Variants in EDEM1 observed in about 807,000 individuals in gnomAD.
EDEM1 encodes ER degradation-enhancing alpha-mannosidase-like protein 1.
EDEM1 carries 67 observed loss-of-function variants against 74.4 expected under a neutral mutation model. The ratio of observed to expected loss-of-function variants is 0.90; its 90% confidence interval spans 0.74 to 1.10. The LOEUF (loss-of-function observed/expected upper bound fraction) is 1.10, where lower values mean the gene tolerates loss of function less well. Among genes scored for constraint, EDEM1 ranks in the 50% least tolerant of loss-of-function variants. The pLI is 0.00. For synonymous variants in EDEM1, 382 were observed against 335.9 expected, an observed-to-expected ratio of 1.14 and a Z score of -1.50; for missense variants, 926 against 851.6, an observed-to-expected ratio of 1.09 and a Z score of -1.09.
chr3:5,215,393 G>A (rs55901544), intron 11 of EDEM1, among the ~76,000 whole-genome samples: 40,180 of 152,060 alleles, frequency 0.26, 5,452 homozygotes, highest in African/African-American at 0.3. Context: ...GTATTTTCAA[G>A]TAGCAGAAAT....
intron 5 of EDEM1, among the ~76,000 whole-genome samples, chr3:5,204,050 A>G (rs1378778459): frequency 6.6e-6 from 1 of 152,198 alleles, no homozygotes; most frequent in East Asian, 1.9e-4. Flanking sequence ...ATTTTAACTC[A>G]TGTAACTGTC....
At position 5,188,251 on chromosome 3, in the gene EDEM1, C is replaced by T; in HGVS notation, c.446C>T (p.Ala149Val). 6.3e-7 allele frequency: 1 copy of T among 1,579,684 alleles called. No homozygotes were observed. The highest frequency in any genetic ancestry group is 1.7e-4 in the Middle Eastern group (1 of 5,960). ...GGCTACGACAACTACATGGCTCACG[C>T]CTTCCCCCAGGACGAGCTCAACCCC... ...VFGYDNYMAH[A>V]FPQDELNPIH... is the part of the protein sequence containing the mutation. The change falls in exon 1 of 12, where the codon GCC becomes GTC. Residue 149 changes from alanine (A) to valine (V), a missense_variant. Ala to Val is a moderately conservative substitution (Grantham distance 64). Coordinates refer to ENST00000256497, the MANE Select transcript of EDEM1 (RefSeq NM_014674.3).
intron 1 of EDEM1, among the ~76,000 whole-genome samples, chr3:5,190,975 T>A (rs1039266632): frequency 1.3e-5 from 2 of 152,172 alleles, no homozygotes; most frequent in East Asian, 1.9e-4. Flanking sequence ...TTTGTAATAA[T>A]CACATCATGG....
intron 3 of EDEM1, 27 bp downstream of exon 3, chr3:5,199,722 A>C: frequency 1.3e-6 from 2 of 1,572,246 alleles, no homozygotes; most frequent in Non-Finnish European, 1.7e-6. Context: ...TCATAAAATG[A>C]ATTGGAGACT....
At chr3:5,192,380 A>C (rs1227076707) in intron 1 of EDEM1, among the ~76,000 whole-genome samples, 1 of 152,214 alleles carries the variant, frequency 6.6e-6, no homozygotes, top group African/African-American at 2.4e-5. Context: ...TGGGAATTTA[A>C]ATTTAAAAAC....
intron 11 of EDEM1, among the ~76,000 whole-genome samples, chr3:5,215,291 T>TGG (rs1423561570): frequency 1.1e-5 from 1 of 88,756 alleles, no homozygotes; most frequent in African/African-American, 4.6e-5. Flanking sequence ...AAAAAAGTGG[T>TGG]GGGGGTGGGG....
chr3:5,205,023 C>G (rs915814503), intron 5 of EDEM1, 44 bp from the exon 6 acceptor site: 9 of 1,600,810 alleles, frequency 5.6e-6, no homozygotes, highest in Middle Eastern at 3.5e-4. Context: ...ATGTCCTCCC[C>G]GATGAGACAG....
At chr3:5,207,379 T>A (rs1231422939) in intron 7 of EDEM1, 106 bp downstream of exon 7, 1 of 1,500,156 alleles carries the variant, frequency 6.7e-7, no homozygotes, top group Non-Finnish European at 8.9e-7. Flanking sequence ...TCCTTTGGAT[T>A]TGGGAGGTCA....
At chr3:5,206,801 C>A (rs192402815) in intron 6 of EDEM1, among the ~76,000 whole-genome samples, 2 of 152,312 alleles carry the variant, frequency 1.3e-5, no homozygotes, top group Admixed American at 1.3e-4. Flanking sequence ...CCAAAAGAAC[C>A]AAGCTTTTCT....
chr3:5,198,662 C>CTTTTTT (rs57260414), intron 2 of EDEM1, among the ~76,000 whole-genome samples: 14 of 75,156 alleles, frequency 1.9e-4, no homozygotes, highest in African/African-American at 6.4e-4. Flanking sequence ...ACGTATATAG[C>CTTTTTT]TTTTTTTTTT....
At chr3:5,213,294 G>C (rs772166472) in intron 10 of EDEM1, 25 bp from the exon 11 acceptor site, 1 of 1,602,522 alleles carries the variant, frequency 6.2e-7, no homozygotes, top group Non-Finnish European at 8.5e-7. Context: ...ATTATTGGTT[G>C]TATCTTTTTC....
intron 11 of EDEM1, among the ~76,000 whole-genome samples, chr3:5,214,868 T>A (rs1021273175): frequency 6.6e-6 from 1 of 152,158 alleles, no homozygotes; most frequent in Non-Finnish European, 1.5e-5. Flanking sequence ...GATAGGAGCA[T>A]GGCCTAGTGG....
rs1009423335 is a variant in EDEM1 at position 5,212,579 on chromosome 3, T to C, written c.1681-740T>C. 7.2e-5 allele frequency among the ~76,000 whole-genome samples: 11 copies of C among 152,210 alleles called. 1 individual carries two copies. Among genetic ancestry groups the C allele is most frequent in the African/African-American group, 1.7e-4 (7 of 41,442 alleles). ...TTCTTCTCTTGTTACTGTGTAAACA[T>C]TGACAAGCTGCACTGAATCTCATTT... On this transcript the variant is annotated intron_variant, in intron 10 of 11. Transcript: ENST00000256497.
chr3:5,213,659 C>A, intron 11 of EDEM1, 137 bp downstream of exon 11: 1 of 811,804 alleles, frequency 1.2e-6, no homozygotes, highest in Non-Finnish European at 1.9e-6. Flanking sequence ...CCTAAAGACA[C>A]CATTTACATA....
Position 5,208,197 on chromosome 3 carries a change from G to A in EDEM1, c.1443G>A (p.Gln481=), listed in dbSNP as rs182996028. 44 of 1,613,854 alleles carry A rather than the reference G, an allele frequency of 2.7e-5. No homozygotes were observed. In the East Asian group the frequency reaches 8.7e-4, roughly 32 times the overall value. The change falls in exon 8 of 12, where the codon CAG becomes CAA. Residue 481 remains glutamine, a synonymous_variant. Transcript: ENST00000256497. ...ALPERYNWQL[Q]APDVLFYPLR... ...CTGAGAGATATAACTGGCAGCTGCA[G>A]GCCCCTGACGTTCTCTTCTACCCAC...
Position 5,208,254 on chromosome 3 carries a change from C to T in EDEM1, c.1500C>T (p.Leu500=). 7 of 1,610,748 alleles carry T rather than the reference C, an allele frequency of 4.3e-6. No individual in the cohort carries two copies. Among genetic ancestry groups the T allele is most frequent in the South Asian group, 1.1e-5 (1 of 90,300 alleles). ...CAGAGTTAGTGGAATCCACATATCT[C>T]CTCTACCAGGTACTAGAGTTGTGTT... is the stretch of plus-strand genomic sequence containing the variant. ...LRPELVESTY[L]LYQATKNPFY... The change falls in exon 8 of 12, where the codon CTC becomes CTT. Residue 500 remains leucine (L), a synonymous_variant. Transcript: ENST00000256497.
intron 10 of EDEM1, 28 bp from the exon 11 acceptor site, chr3:5,213,291 G>A (rs1264541653): frequency 9.4e-6 from 15 of 1,599,676 alleles, no homozygotes; most frequent in South Asian, 3.4e-5. Context: ...ACAATTATTG[G>A]TTGTATCTTT....
chr3:5,202,929 G>A, intron 4 of EDEM1, 37 bp from the exon 5 acceptor site: 1 of 1,594,624 alleles, frequency 6.3e-7, no homozygotes, highest in Non-Finnish European at 8.6e-7. Context: ...TGGATTCCTT[G>A]AGTTTTGTCA....
At chr3:5,210,392 G>T in intron 9 of EDEM1, 144 bp downstream of exon 9, 1 of 776,872 alleles carries the variant, frequency 1.3e-6, no homozygotes, top group South Asian at 1.8e-5. Context: ...TTACCTTTTG[G>T]TGTAGTAGAA....
Sources: gnomAD v4.1 joint callset for allele counts (sites outside exome capture counted in the v4.1 genomes callset) on GRCh38, gnomAD v4.1.1 for gene constraint, MANE v1.5 for transcripts, NCBI Gene and HGNC (gene_info 2026-07-23, HGNC 2026-07-21) for gene names.